Variants in SULF2 observed in about 807,000 individuals in gnomAD.
SULF2 encodes the protein sulfatase 2.
In SULF2, 52 loss-of-function variants were observed where a neutral mutation model predicts 107.7. The ratio of observed to expected loss-of-function variants is 0.48; its 90% confidence interval spans 0.39 to 0.61. The LOEUF (loss-of-function observed/expected upper bound fraction) is 0.61. Among genes scored for constraint, SULF2 ranks in the 20% least tolerant of loss-of-function variants. SULF2 has a pLI of 0.00. For missense variants in SULF2, 993 were observed against 1,177.3 expected (o/e 0.84, Z 2.29); for synonymous variants, 460 against 464.3 (o/e 0.99, Z 0.12).
intron 3 of SULF2, among the ~76,000 whole-genome samples, chr20:47,710,905 A>G (rs973201661): frequency 6.6e-6 from 1 of 152,138 alleles, no homozygotes; most frequent in Non-Finnish European, 1.5e-5. Context: ...GCCTGATGGG[A>G]GGAGGAGACC....
chr20:47,659,250 G>T, intron 20 of SULF2, 149 bp downstream of exon 20: 1 of 673,222 alleles, frequency 1.5e-6, no homozygotes. Flanking sequence ...TTTTCTTAGG[G>T]AAAGATGTGC....
At chr20:47,681,565 C>A (rs542774782) in intron 7 of SULF2, among the ~76,000 whole-genome samples, 1 of 152,274 alleles carries the variant, frequency 6.6e-6, no homozygotes, top group East Asian at 1.9e-4. Flanking sequence ...GTTTCAAGCC[C>A]CAGCCCCTTC....
chr20:47,702,763 T>C (rs2088614422), intron 3 of SULF2, 93 bp from the exon 4 acceptor site: 1 of 1,227,314 alleles, frequency 8.1e-7, no homozygotes. Context: ...CATGCACACC[T>C]GCTCTGCCAT....
intron 2 of SULF2, among the ~76,000 whole-genome samples, chr20:47,743,687 C>G (rs531281753): frequency 6.6e-6 from 1 of 152,314 alleles, no homozygotes; most frequent in South Asian, 2.1e-4. Flanking sequence ...GCCCGCCTCA[C>G]TCAGAGTAAA....
intron 6 of SULF2, among the ~76,000 whole-genome samples, chr20:47,683,830 T>G (rs1568811052): frequency 6.6e-6 from 1 of 152,224 alleles, no homozygotes. Context: ...GGGGACTGAT[T>G]CATGCGACAC....
At chr20:47,671,559 C>CCA (rs1214186607) in intron 11 of SULF2, among the ~76,000 whole-genome samples, 4 of 151,932 alleles carry the variant, frequency 2.6e-5, no homozygotes, top group Non-Finnish European at 4.4e-5. Flanking sequence ...CAGGTGTGAG[C>CCA]CACCGCGCCC....
At chr20:47,749,024 T>C (rs2146862764) in intron 2 of SULF2, among the ~76,000 whole-genome samples, 1 of 152,000 alleles carries the variant, frequency 6.6e-6, no homozygotes, top group South Asian at 2.1e-4. Flanking sequence ...TTTTTTTTTC[T>C]TTTTCCTGCC....
In SULF2 at chr20:47,661,904, C is replaced by CA. The variant is rs776645844; in HGVS notation, c.2371-9dup. ...GTTCACTGCATTCATCAGCTGGTTG[C>CA]AAAAAAGGTAGTCTGTCAACAAGGT... On this transcript the variant is annotated splice_polypyrimidine_tract_variant and intron_variant, in intron 17 of 20. Coordinates refer to ENST00000688720, the MANE Select transcript of SULF2 (RefSeq NM_001387048.1). 9 of 1,533,728 alleles carry CA rather than the reference C, an allele frequency of 5.9e-6. No individual in the cohort carries two copies. The highest frequency in any genetic ancestry group is 2.8e-5 in the African/African-American group (2 of 72,678).
chr20:47,752,157 A>G (rs2090170602), intron 2 of SULF2, among the ~76,000 whole-genome samples: 1 of 152,236 alleles, frequency 6.6e-6, no homozygotes, highest in Admixed American at 6.5e-5. Context: ...CTGTAGACAA[A>G]CAACACTGTG....
chr20:47,723,945 C>T (rs2089366354), intron 3 of SULF2, among the ~76,000 whole-genome samples: 1 of 152,158 alleles, frequency 6.6e-6, no homozygotes, highest in Non-Finnish European at 1.5e-5. Flanking sequence ...GTTGCTTGTA[C>T]CAGAATGGTT....
intron 2 of SULF2, among the ~76,000 whole-genome samples, chr20:47,749,273 T>A (rs1057073610): frequency 6.6e-6 from 1 of 152,260 alleles, no homozygotes; most frequent in Non-Finnish European, 1.5e-5. Flanking sequence ...ACTGTTATTT[T>A]ATGTTTTCTT....
intron 3 of SULF2, among the ~76,000 whole-genome samples, chr20:47,724,136 C>T (rs574362809): frequency 1.1e-3 from 167 of 152,292 alleles, no homozygotes; most frequent in African/African-American, 3.9e-3. Flanking sequence ...TCTTGGCAGC[C>T]CTGGCGAGGA....
chr20:47,745,395 AAAAAAAAAAAAAAAAATATATATATATAT>A (rs1257809895), intron 2 of SULF2, among the ~76,000 whole-genome samples: 3 of 22,262 alleles, frequency 1.3e-4, no homozygotes, highest in Non-Finnish European at 2.0e-4. Flanking sequence ...AAAAAAAAAA[AAAAAAAAAAAAAAAAATATATATATATAT>A]ATATATATAT....
intron 2 of SULF2, among the ~76,000 whole-genome samples, chr20:47,748,258 C>T (rs1352752659): frequency 6.6e-6 from 1 of 152,216 alleles, no homozygotes; most frequent in Non-Finnish European, 1.5e-5. Context: ...CTGTTCCTGC[C>T]ACAGGGCTCT....
In SULF2 at chr20:47,678,861, G is replaced by C; in HGVS notation, c.1065-57C>G. On this transcript the variant is annotated intron_variant, in intron 7 of 20. Transcript: ENST00000688720. The surrounding 1 kb of genome is among the most constrained non-coding windows in gnomAD (Gnocchi z 4.5). ...ACTCAGGTGGTGGTGCCTCAGCCTC[G>C]CGTGGGGGGTGGGGAGCGGTAGGTG... 6.5e-7 allele frequency: 1 copy of C among 1,538,002 alleles called. No individual in the cohort carries two copies. The highest frequency in any genetic ancestry group is 1.8e-4 in the Middle Eastern group (1 of 5,672).
At chr20:47,734,231 C>T (rs905807749) in intron 3 of SULF2, among the ~76,000 whole-genome samples, 6 of 152,140 alleles carry the variant, frequency 3.9e-5, no homozygotes, top group African/African-American at 1.4e-4. Context: ...ATTTGACATC[C>T]CCGGTCTCTC....
chr20:47,733,216 A>T (rs1365364377), intron 3 of SULF2, among the ~76,000 whole-genome samples: 1 of 152,238 alleles, frequency 6.6e-6, no homozygotes, highest in Non-Finnish European at 1.5e-5. Context: ...GACTATTGAG[A>T]AGGATGATGA....
At position 47,665,308 on chromosome 20, in the gene SULF2, G is replaced by C. The variant is rs772193632; in HGVS notation, c.1903-15C>G. The C allele has an allele frequency of 1.9e-6, 3 of 1,543,472 alleles. No homozygotes were observed. Among genetic ancestry groups the C allele is most frequent in the Non-Finnish European group, 2.7e-6 (3 of 1,115,608 alleles). On this transcript the variant is annotated splice_polypyrimidine_tract_variant and intron_variant, in intron 13 of 20. Coordinates refer to ENST00000688720, the MANE Select transcript of SULF2 (RefSeq NM_001387048.1). Reference sequence around the variant, plus strand: ...AGGGTTTCAATCTGAGGGAGGGGCAGAAGAGGAGGCCTTGAAACCTTCAAG... The same window carrying C: ...AGGGTTTCAATCTGAGGGAGGGGCACAAGAGGAGGCCTTGAAACCTTCAAG...
intron 18 of SULF2, among the ~76,000 whole-genome samples, chr20:47,660,387 T>G (rs1005336554): frequency 7.2e-5 from 11 of 152,200 alleles, no homozygotes; most frequent in African/African-American, 2.4e-4. Context: ...CAACATCTTG[T>G]GTAAACACAT....
Sources: allele counts gnomAD v4.1 joint callset (sites outside exome capture counted in the v4.1 genomes callset), GRCh38; gene constraint gnomAD v4.1.1; non-coding constraint Gnocchi (gnomAD v3.1); transcripts MANE v1.5; gene names NCBI Gene and HGNC (gene_info 2026-07-23, HGNC 2026-07-21).